Variants in PDXK observed in about 807,000 individuals in gnomAD.
The protein encoded by PDXK is epididymis secretory sperm binding protein Li 1a.
Under a neutral mutation model 43.2 loss-of-function variants are expected in PDXK, and 15 were observed. The observed-to-expected ratio is 0.35, with a 90% CI of 0.23 to 0.53. PDXK has a LOEUF of 0.53. PDXK is among the 20% of genes least tolerant of loss of function. The pLI is 0.92. For synonymous variants in PDXK, 172 were observed against 165.4 expected (o/e 1.04, Z -0.31); for missense variants, 343 against 417.0 (o/e 0.82, Z 1.54).
At chr21:43,726,270 CTTTTTTTTT>C (rs1182376121) in intron 1 of PDXK, among the ~76,000 whole-genome samples, 2 of 116,810 alleles carry the variant, frequency 1.7e-5, no homozygotes, top group African/African-American at 7.3e-5. Context: ...TTTTCTTTTT[CTTTTTTTTT>C]TTTTTTTTTT....
chr21:43,722,931 G>T (rs992215312), intron 1 of PDXK, among the ~76,000 whole-genome samples: 10 of 152,226 alleles, frequency 6.6e-5, no homozygotes, highest in African/African-American at 2.4e-4. Flanking sequence ...TCTGCCTCCC[G>T]GGTTCATGCC....
At chr21:43,725,591 C>A (rs74884223) in intron 1 of PDXK, among the ~76,000 whole-genome samples, 1 of 152,042 alleles carries the variant, frequency 6.6e-6, no homozygotes, top group Non-Finnish European at 1.5e-5. Context: ...GGGTGGATCA[C>A]CTGAGGTCAG....
At position 43,757,633 on chromosome 21, in the gene PDXK, C is replaced by T. The variant is rs1297023935; in HGVS notation, c.*1570C>T. Reference sequence around the variant, plus strand: ...CCCCACCCCCTCCCCCACTCTCCCACTCTGTTCGTTCTGAATGTCTTCACG... The same window carrying T: ...CCCCACCCCCTCCCCCACTCTCCCATTCTGTTCGTTCTGAATGTCTTCACG... On this transcript the variant is annotated 3_prime_UTR_variant, in exon 11 of 11. Transcript: ENST00000291565. 1 of 152,136 alleles carries T rather than the reference C, an allele frequency of 6.6e-6. No homozygotes were observed. The highest frequency in any genetic ancestry group is 1.9e-4 in the East Asian group (1 of 5,186). The allele number at this position is 152,136 out of a possible 1,614,324, so 9.4% of individuals were successfully genotyped here. A position where few individuals can be genotyped will look rare whatever the true frequency, so the allele number is the denominator to read the frequency against.
Position 43,737,400 on chromosome 21 carries a change from C to T in PDXK, c.142+3277C>T. On this transcript the variant is annotated intron_variant, in intron 2 of 10. Transcript: ENST00000291565. The surrounding 1 kb of genome is among the most constrained non-coding windows in gnomAD (Gnocchi z 4.8). ...TTTCCACACCGTGAGCTGGGCTTGGCAGAGCCTCCACCTTGTGGCCAGTAT... is the reference window on the plus strand; with the variant it reads ...TTTCCACACCGTGAGCTGGGCTTGGTAGAGCCTCCACCTTGTGGCCAGTAT... 1 of 1,164,002 alleles carries T rather than the reference C, an allele frequency of 8.6e-7. No homozygotes were observed. The allele number at this position is 1,164,002 out of a possible 1,614,324, so 72.1% of individuals were successfully genotyped here. A position where few individuals can be genotyped will look rare whatever the true frequency, so the allele number is the denominator to read the frequency against.
intron 1 of PDXK, chr21:43,728,681 G>C: frequency 1.1e-5 from 11 of 981,742 alleles, no homozygotes; most frequent in Non-Finnish European, 1.3e-5. Flanking sequence ...GCCCGAGGCA[G>C]CCACTCCCGC....
intron 1 of PDXK, among the ~76,000 whole-genome samples, chr21:43,728,099 G>C (rs185644131): frequency 6.6e-6 from 1 of 152,276 alleles, no homozygotes; most frequent in East Asian, 1.9e-4. Flanking sequence ...GGGCCCAGGC[G>C]ATGGACCCTG....
chr21:43,751,231 C>A (rs1279962265), intron 7 of PDXK, among the ~76,000 whole-genome samples: 1 of 152,158 alleles, frequency 6.6e-6, no homozygotes, highest in Non-Finnish European at 1.5e-5. Context: ...TGACAAAATG[C>A]CTGAGACTGG....
chr21:43,737,635 G>T lies in PDXK; in HGVS notation c.142+3512G>T. 1.0e-6 allele frequency: 1 copy of T among 988,312 alleles called. No homozygotes were observed. 61.2% of individuals were successfully genotyped at this position (988,312 alleles called of 1,614,324 possible). A position where few individuals can be genotyped will look rare whatever the true frequency, so the allele number is the denominator to read the frequency against. ...GCTGCAGGGAAGGGGCAGCTGGTGT[G>T]AACACAAGGAGCTGCGGGGCTGGAG... On this transcript the variant is annotated intron_variant, in intron 2 of 10. Coordinates refer to ENST00000291565, the MANE Select transcript of PDXK (RefSeq NM_003681.5). This position sits in a 1 kb window ranked among gnomAD's most constrained non-coding sequence, Gnocchi z 4.8.
intron 1 of PDXK, among the ~76,000 whole-genome samples, chr21:43,720,150 T>A (rs1228294912): frequency 6.6e-6 from 1 of 152,180 alleles, no homozygotes; most frequent in Non-Finnish European, 1.5e-5. Context: ...AGGAGAGGCC[T>A]GGGTGCAGTG....
Position 43,759,141 on chromosome 21 carries a change from C to A in PDXK, c.*3078C>A, listed in dbSNP as rs529247028. The A allele has an allele frequency of 6.6e-6, 1 of 152,340 alleles. No homozygotes were observed. Among genetic ancestry groups the A allele is most frequent in the African/African-American group, 2.4e-5 (1 of 41,448 alleles). The allele number at this position is 152,340 out of a possible 1,614,324, so 9.4% of individuals were successfully genotyped here. On this transcript the variant is annotated 3_prime_UTR_variant, in exon 11 of 11. Transcript: ENST00000291565. ...AAGCCCCTGGGGTAACAGTCCCCACCGCTACCCGAGGTAAAACAATAAAAG... is the reference window on the plus strand; with the variant it reads ...AAGCCCCTGGGGTAACAGTCCCCACAGCTACCCGAGGTAAAACAATAAAAG...
intron 1 of PDXK, among the ~76,000 whole-genome samples, chr21:43,730,740 G>C (rs1296175968): frequency 6.6e-6 from 1 of 152,104 alleles, no homozygotes; most frequent in Non-Finnish European, 1.5e-5. Flanking sequence ...AATTGATTGA[G>C]CTTAGGAGTT....
At position 43,734,981 on chromosome 21, in the gene PDXK, C is replaced by T. The variant is rs543849530; in HGVS notation, c.142+858C>T. On this transcript the variant is annotated intron_variant, in intron 2 of 10. Transcript: ENST00000291565. This position sits in a 1 kb window ranked among gnomAD's most constrained non-coding sequence, Gnocchi z 5.0. ...AGGGAGGAGGGGCCTGGCCCCTACTCTTGGGAGTGGGAAGGAATGCTGTGG... is the reference window on the plus strand; with the variant it reads ...AGGGAGGAGGGGCCTGGCCCCTACTTTTGGGAGTGGGAAGGAATGCTGTGG... 6.6e-6 allele frequency among the ~76,000 whole-genome samples: 1 copy of T among 152,334 alleles called. No individual in the cohort carries two copies. The highest frequency in any genetic ancestry group is 2.1e-4 in the South Asian group (1 of 4,828).
intron 1 of PDXK, 72 bp downstream of exon 1, chr21:43,719,453 C>T (rs907218684): frequency 2.9e-5 from 41 of 1,422,560 alleles, no homozygotes; most frequent in Middle Eastern, 2.4e-4. Flanking sequence ...CCGAGACGAG[C>T]CTCAGTTCCC....
At chr21:43,729,918 T>C (rs971158923) in intron 1 of PDXK, among the ~76,000 whole-genome samples, 7 of 151,862 alleles carry the variant, frequency 4.6e-5, no homozygotes, top group African/African-American at 1.7e-4. Context: ...GACTCCAGCC[T>C]GGGCAACAGC....
chr21:43,742,587 A>G (rs1334543844), intron 3 of PDXK, among the ~76,000 whole-genome samples: 1 of 152,220 alleles, frequency 6.6e-6, no homozygotes, highest in Non-Finnish European at 1.5e-5. Flanking sequence ...TCTAAAGGTC[A>G]CATATAAGGC....
intron 4 of PDXK, chr21:43,745,630 A>G (rs764536978): frequency 1.8e-4 from 31 of 174,154 alleles, no homozygotes; most frequent in Non-Finnish European, 3.0e-4. Context: ...AGATTATGGT[A>G]TATATTTTTT....
Position 43,720,815 on chromosome 21 carries a change from G to A in PDXK, c.87+1434G>A, listed in dbSNP as rs566375399. Among the ~76,000 whole-genome samples the A allele has an allele frequency of 6.6e-4, 100 of 152,298 alleles. 1 individual carries two copies. In the South Asian group the frequency reaches 0.019, roughly 29 times the overall value. On this transcript the variant is annotated intron_variant, in intron 1 of 10. Coordinates refer to ENST00000291565, the MANE Select transcript of PDXK (RefSeq NM_003681.5). ...GGAACCAGGGGGCTCTGAGGACAGC[G>A]TCCACTCTCTTGGCAGAAGTGTGCA...
chr21:43,747,531 G>T (rs1029127557), intron 5 of PDXK, among the ~76,000 whole-genome samples: 3 of 152,238 alleles, frequency 2.0e-5, no homozygotes, highest in African/African-American at 7.2e-5. Flanking sequence ...GGGCTGGTGT[G>T]CTCAGCGTCT....
intron 5 of PDXK, among the ~76,000 whole-genome samples, chr21:43,747,500 G>A (rs1177618283): frequency 1.3e-5 from 2 of 152,242 alleles, no homozygotes; most frequent in Non-Finnish European, 2.9e-5. Context: ...ATCTGTCACT[G>A]GGCATCTAAC....
Sources: gnomAD v4.1 joint callset for allele counts (sites outside exome capture counted in the v4.1 genomes callset) on GRCh38, gnomAD v4.1.1 for gene constraint, Gnocchi (gnomAD v3.1) non-coding constraint, MANE v1.5 for transcripts, NCBI Gene and HGNC (gene_info 2026-07-23, HGNC 2026-07-21) for gene names.